Variants in PITPNC1 observed in about 807,000 individuals in gnomAD.
The protein encoded by PITPNC1 is phosphatidylinositol transfer protein cytoplasmic 1.
PITPNC1 carries 18 observed loss-of-function variants against 44.7 expected under a neutral mutation model. The observed-to-expected ratio is 0.40, with a 90% confidence interval of 0.28 to 0.60. The LOEUF is 0.60. Ranked by LOEUF, PITPNC1 falls within the 20% of genes least tolerant of loss-of-function variation. PITPNC1 has a pLI of 0.39. For missense variants in PITPNC1, 290 were observed against 418.4 expected, an observed-to-expected ratio of 0.69 and a Z score of 2.68; for synonymous variants, 141 against 149.6, an observed-to-expected ratio of 0.94 and a Z score of 0.42.
At chr17:67,497,507 G>A (rs983617248) in intron 1 of PITPNC1, among the ~76,000 whole-genome samples, 5 of 135,912 alleles carry the variant, frequency 3.7e-5, no homozygotes, top group Non-Finnish European at 7.9e-5. Flanking sequence ...ATAAACCTGT[G>A]TCTCCATAAA....
At chr17:67,446,449 C>T (rs1412234335) in intron 1 of PITPNC1, among the ~76,000 whole-genome samples, 4 of 150,304 alleles carry the variant, frequency 2.7e-5, no homozygotes, top group African/African-American at 9.7e-5. Context: ...AATATGCCAG[C>T]TTCACCAGGA....
At position 67,656,515 on chromosome 17, in the gene PITPNC1, G is replaced by A. The variant is rs534729252; in HGVS notation, c.463-12993G>A. 2.6e-5 allele frequency among the ~76,000 whole-genome samples: 4 copies of A among 152,240 alleles called. No homozygotes were observed. In the East Asian group the frequency reaches 5.8e-4, roughly 22 times the overall value. On this transcript the variant is annotated intron_variant, in intron 6 of 8. Coordinates refer to ENST00000581322, the MANE Select transcript of PITPNC1 (RefSeq NM_012417.4). The stretch of plus-strand genomic sequence containing the variant: ...AAGGACCTTTCCCAAATAAGATCAC[G>A]TTCATAGATAGATACTAGGGGTTAA...
chr17:67,603,958 A>AG (rs1178749176), intron 5 of PITPNC1, among the ~76,000 whole-genome samples: 1 of 151,790 alleles, frequency 6.6e-6, no homozygotes, highest in Non-Finnish European at 1.5e-5. Context: ...AAAAAAAAAA[A>AG]CTGTACATGG....
At chr17:67,576,555 G>T (rs2041152662) in intron 4 of PITPNC1, among the ~76,000 whole-genome samples, 1 of 152,178 alleles carries the variant, frequency 6.6e-6, no homozygotes, top group South Asian at 2.1e-4. Context: ...CAGGTGCTGG[G>T]TCATTTTGCC....
intron 6 of PITPNC1, among the ~76,000 whole-genome samples, chr17:67,632,913 A>G (rs1048427676): frequency 6.6e-6 from 1 of 152,176 alleles, no homozygotes; most frequent in African/African-American, 2.4e-5. Context: ...TCATTCCAGC[A>G]CAGCTCCTTT....
intron 1 of PITPNC1, among the ~76,000 whole-genome samples, chr17:67,422,916 G>A (rs1282884898): frequency 6.6e-6 from 1 of 152,112 alleles, no homozygotes; most frequent in African/African-American, 2.4e-5. Flanking sequence ...TATACACTTA[G>A]TAAATGTTAG....
intron 1 of PITPNC1, among the ~76,000 whole-genome samples, chr17:67,516,080 G>A (rs908478064): frequency 3.3e-5 from 5 of 152,070 alleles, no homozygotes; most frequent in African/African-American, 9.7e-5. Flanking sequence ...GTACCCCTGG[G>A]TTACTTCCCC....
intron 1 of PITPNC1, among the ~76,000 whole-genome samples, chr17:67,531,348 G>A (rs1285621365): frequency 4.6e-5 from 7 of 152,352 alleles, no homozygotes; most frequent in African/African-American, 1.4e-4. Flanking sequence ...CACACACACA[G>A]GTACGTGCAC....
chr17:67,615,473 C>A (rs1181090127), intron 5 of PITPNC1, among the ~76,000 whole-genome samples: 1 of 152,156 alleles, frequency 6.6e-6, no homozygotes, highest in Non-Finnish European at 1.5e-5. Context: ...CGTGTGGCCA[C>A]CCCACCGCAC....
intron 1 of PITPNC1, among the ~76,000 whole-genome samples, chr17:67,477,841 C>T (rs1011669115): frequency 6.6e-6 from 1 of 152,060 alleles, no homozygotes; most frequent in African/African-American, 2.4e-5. Context: ...AGAACTACCC[C>T]CACCCCAAAA....
intron 1 of PITPNC1, among the ~76,000 whole-genome samples, chr17:67,440,684 C>T (rs936872430): frequency 5.3e-5 from 8 of 151,540 alleles, no homozygotes; most frequent in African/African-American, 1.9e-4. Flanking sequence ...AGGCATGCAC[C>T]GTCATGCCTG....
chr17:67,652,675 A>G (rs201552751), intron 6 of PITPNC1, among the ~76,000 whole-genome samples: 1 of 152,224 alleles, frequency 6.6e-6, no homozygotes, highest in African/African-American at 2.4e-5. Flanking sequence ...GGAGCTGGGC[A>G]GGGCCCTTGA....
At chr17:67,514,358 C>A (rs1449961107) in intron 1 of PITPNC1, among the ~76,000 whole-genome samples, 1 of 151,908 alleles carries the variant, frequency 6.6e-6, no homozygotes, top group Non-Finnish European at 1.5e-5. Context: ...CACCAGCACG[C>A]CCAGCTAATT....
Position 67,587,222 on chromosome 17 carries a change from C to T in PITPNC1, c.366+8965C>T, listed in dbSNP as rs538709491. Among the ~76,000 whole-genome samples the T allele has an allele frequency of 5.3e-5, 8 of 152,130 alleles. 1 individual carries two copies. The South Asian group carries it at 1.7e-3, about 32-fold the overall frequency. ...TGGATATTGGCCAGGTGTTGTGGCT[C>T]TCACCTGTAATCCCAGTGCTCTGGG... On this transcript the variant is annotated intron_variant, in intron 5 of 8. Transcript: ENST00000581322.
intron 1 of PITPNC1, among the ~76,000 whole-genome samples, chr17:67,516,292 T>C (rs2040257321): frequency 6.6e-6 from 1 of 152,210 alleles, no homozygotes; most frequent in African/African-American, 2.4e-5. Flanking sequence ...CCTGAGTGCA[T>C]GCTGCAGCTA....
intron 6 of PITPNC1, among the ~76,000 whole-genome samples, chr17:67,662,385 C>G (rs961540258): frequency 1.3e-5 from 2 of 151,660 alleles, no homozygotes; most frequent in African/African-American, 4.8e-5. Flanking sequence ...ACCCAGGAGG[C>G]GGAGGTTGCA....
intron 1 of PITPNC1, among the ~76,000 whole-genome samples, chr17:67,410,009 T>C (rs2038469503): frequency 6.6e-6 from 1 of 152,164 alleles, no homozygotes; most frequent in Non-Finnish European, 1.5e-5. Flanking sequence ...CTCTCCAGAG[T>C]ATGTGCCTAG....
Position 67,695,642 on chromosome 17 carries a change from ATAG to A in PITPNC1, c.*2757_*2759del, listed in dbSNP as rs1456709168. On this transcript the variant is annotated 3_prime_UTR_variant, in exon 9 of 9. Transcript: ENST00000581322. ...TATATATATATATATAAATATAAAT[ATAG>A]TATAGTGAATCAGACACCATCAGTT... 1.3e-5 allele frequency: 2 copies of A among 148,352 alleles called. No homozygotes were observed. Among genetic ancestry groups the A allele is most frequent in the African/African-American group, 4.9e-5 (2 of 40,410 alleles). The allele number at this position is 148,352 out of a possible 1,614,324, so 9.2% of individuals were successfully genotyped here.
At chr17:67,521,940 T>G (rs1177350657) in intron 1 of PITPNC1, among the ~76,000 whole-genome samples, 1 of 152,148 alleles carries the variant, frequency 6.6e-6, no homozygotes, top group Non-Finnish European at 1.5e-5. Flanking sequence ...TCTGCAACAT[T>G]GGGCACGCAG....
Sources: allele counts gnomAD v4.1 joint callset (sites outside exome capture counted in the v4.1 genomes callset), GRCh38; gene constraint gnomAD v4.1.1; transcripts MANE v1.5; gene names NCBI Gene and HGNC (gene_info 2026-07-23, HGNC 2026-07-21).